CES1: variants seen among roughly 807,000 people sequenced by gnomAD.
CES1 encodes the protein liver carboxylesterase 1.
CES1 carries 50 observed loss-of-function variants against 53.0 expected under a neutral mutation model. The observed-to-expected ratio is 0.94, with a 90% CI of 0.75 to 1.19. The LOEUF is 1.19. CES1 is among the 50% of genes most tolerant of loss of function. The pLI is 0.00. For missense variants in CES1, 534 were observed against 538.0 expected, an observed-to-expected ratio of 0.99 and a Z score of 0.07; for synonymous variants, 202 against 210.1, an observed-to-expected ratio of 0.96 and a Z score of 0.33.
intron 10 of CES1, 48 bp from the exon 11 acceptor site, chr16:55,810,712 C>T: frequency 6.2e-7 from 1 of 1,603,838 alleles, no homozygotes; most frequent in Non-Finnish European, 8.5e-7. Context: ...AGCGATGCAG[C>T]TTCTCCAGCC....
intron 4 of CES1, among the ~76,000 whole-genome samples, chr16:55,822,332 T>C (rs1377235992): frequency 3.9e-5 from 6 of 152,214 alleles, no homozygotes; most frequent in African/African-American, 1.4e-4. Flanking sequence ...ACAGAGAGCT[T>C]TGGCTGGGCT....
intron 8 of CES1, among the ~76,000 whole-genome samples, chr16:55,813,969 G>A (rs1199442671): frequency 6.6e-6 from 1 of 152,204 alleles, no homozygotes; most frequent in Admixed American, 6.5e-5. Context: ...ACCTGCCTGT[G>A]TGTGACCATG....
Position 55,826,147 on chromosome 16 carries a change from T to C in CES1, c.405+4A>G. 6.2e-7 allele frequency: 1 copy of C among 1,613,980 alleles called. No individual in the cohort carries two copies. The highest frequency in any genetic ancestry group is 8.5e-7 in the Non-Finnish European group (1 of 1,179,854). ...CGCCTTGACCAGGGGGTCCCACAAC[T>C]TACCGGCAGCCTGTTTTTCTTGGTC... is the stretch of plus-strand genomic sequence containing the variant. On this transcript the variant is annotated splice_donor_region_variant and intron_variant, in intron 3 of 13. Transcript: ENST00000360526.
intron 7 of CES1, among the ~76,000 whole-genome samples, chr16:55,818,532 C>T: frequency 6.6e-6 from 1 of 152,094 alleles, no homozygotes; most frequent in Non-Finnish European, 1.5e-5. Context: ...CTCCTGAATT[C>T]CACTGTCTGG....
intron 3 of CES1, among the ~76,000 whole-genome samples, chr16:55,824,612 A>G (rs372331050): frequency 6.6e-5 from 10 of 152,352 alleles, no homozygotes; most frequent in Middle Eastern, 3.4e-3. Context: ...TAACCCAGGC[A>G]GTCTGCCTCC....
At chr16:55,822,429 G>A (rs1401482647) in intron 4 of CES1, among the ~76,000 whole-genome samples, 5 of 152,218 alleles carry the variant, frequency 3.3e-5, no homozygotes, top group South Asian at 2.1e-4. Context: ...GAGACAGTCC[G>A]GGCTGTCCAC....
chr16:55,827,979 AT>A (rs2032483602), intron 2 of CES1: 1 of 152,200 alleles, frequency 6.6e-6, no homozygotes, highest in Admixed American at 6.5e-5. Context: ...TATTTCCTAA[AT>A]TTTCTGTAAT....
Position 55,831,923 on chromosome 16 carries a change from C to G in CES1, c.52+1081G>C, listed in dbSNP as rs529517314. 4.6e-5 allele frequency among the ~76,000 whole-genome samples: 7 copies of G among 152,038 alleles called. No individual in the cohort carries two copies. In the South Asian group the frequency reaches 8.3e-4, roughly 18 times the overall value. Reference sequence around the variant, plus strand: ...GTATTTCGAGGCCCCTCGCTGCACCCCTCTATGTACCATGTGTTTTGCTTT... The same window carrying G: ...GTATTTCGAGGCCCCTCGCTGCACCGCTCTATGTACCATGTGTTTTGCTTT... On this transcript the variant is annotated intron_variant, in intron 1 of 13. Transcript: ENST00000360526.
intron 7 of CES1, 58 bp from the exon 8 acceptor site, chr16:55,817,020 G>A: frequency 6.3e-7 from 1 of 1,577,468 alleles, no homozygotes; most frequent in South Asian, 1.1e-5. Context: ...ACACTGAGCT[G>A]GGTGAGTGGG....
intron 3 of CES1, among the ~76,000 whole-genome samples, chr16:55,823,920 C>A (rs1161086417): frequency 6.6e-6 from 1 of 152,264 alleles, no homozygotes; most frequent in African/African-American, 2.4e-5. Context: ...TCTACCCAGC[C>A]TCCAGTGCCT....
intron 5 of CES1, 131 bp downstream of exon 5, chr16:55,821,237 C>A (rs1202927080): frequency 9.9e-6 from 12 of 1,212,194 alleles, no homozygotes; most frequent in Non-Finnish European, 1.4e-5. Flanking sequence ...TGATGCTGGG[C>A]TGTGAGTAGG....
At chr16:55,825,597 GGA>G (rs1276564295) in intron 3 of CES1, among the ~76,000 whole-genome samples, 1 of 152,240 alleles carries the variant, frequency 6.6e-6, no homozygotes, top group Non-Finnish European at 1.5e-5. Context: ...ATCCGTACCT[GGA>G]CAGTGAAAGT....
intron 9 of CES1, 106 bp downstream of exon 9, chr16:55,812,797 G>A (rs1264869704): frequency 1.3e-6 from 2 of 1,503,218 alleles, no homozygotes; most frequent in African/African-American, 1.4e-5. Flanking sequence ...GGGAACAGCT[G>A]CCCAGGACTC....
At position 55,810,590 on chromosome 16, in the gene CES1, T is replaced by C. The variant is rs1440440003; in HGVS notation, c.1245A>G (p.Lys415=). 6.2e-7 allele frequency: 1 copy of C among 1,613,980 alleles called. No individual in the cohort carries two copies. The highest frequency in any genetic ancestry group is 1.3e-5 in the African/African-American group (1 of 74,920). Residue 415 remains lysine, a synonymous_variant, in exon 11 of 14, where the codon AAA becomes AAG. Transcript: ENST00000360526. ...CTGCTATCAAGTCCAGGAACAGGTC[T>C]TTCTTTTTGACAGTGTCGTCTGTTC... ...LGGTDDTVKK[K]DLFLDLIADV... is the part of the protein sequence containing the mutation.
chr16:55,812,413 G>C (rs79711700), intron 9 of CES1: 12,323 of 222,772 alleles, frequency 0.055, 427 homozygotes, highest in African/African-American at 0.092. Flanking sequence ...CTTAGTAGAC[G>C]CTGATGTCTG....
intron 9 of CES1, among the ~76,000 whole-genome samples, chr16:55,811,664 C>T (rs773227285): frequency 1.3e-5 from 2 of 152,206 alleles, no homozygotes; most frequent in East Asian, 3.8e-4. Flanking sequence ...ACAATTTACT[C>T]TGCTCCAGCC....
At chr16:55,813,409 G>T (rs1253029340) in intron 8 of CES1, among the ~76,000 whole-genome samples, 1 of 152,162 alleles carries the variant, frequency 6.6e-6, no homozygotes, top group African/African-American at 2.4e-5. Flanking sequence ...GCCCCCGTGA[G>T]TACTGAATTA....
rs1203567517 is a variant in CES1, at chr16:55,819,452, T to A, written c.906+83A>T. 1.9e-5 allele frequency: 19 copies of A among 1,001,602 alleles called. No homozygotes were observed. In the African/African-American group the frequency reaches 3.1e-4, roughly 16 times the overall value. 62.0% of individuals were successfully genotyped at this position (1,001,602 alleles called of 1,614,324 possible). ...GAGTTGAGAAATTGTCCCAGGAAAC[T>A]GTCCCTGGGCAAGAGGACAGCTGAA... On this transcript the variant is annotated intron_variant, in intron 7 of 13. Transcript: ENST00000360526.
chr16:55,820,668 G>A (rs1485950628), intron 5 of CES1, among the ~76,000 whole-genome samples, 189 bp from the exon 6 acceptor site: 10 of 152,102 alleles, frequency 6.6e-5, no homozygotes, highest in African/African-American at 2.4e-4. Context: ...TCTCATCTGG[G>A]TTTTCATCCC....
Sources: gnomAD v4.1 joint callset for allele counts (sites outside exome capture counted in the v4.1 genomes callset) on GRCh38, gnomAD v4.1.1 for gene constraint, MANE v1.5 for transcripts, NCBI Gene and HGNC (gene_info 2026-07-23, HGNC 2026-07-21) for gene names.